FHIT: variants seen among roughly 807,000 people sequenced by gnomAD.
FHIT encodes fragile histidine triad diadenosine triphosphatase.
Under a neutral mutation model 17.9 loss-of-function variants are expected in FHIT, and 19 were observed. The observed-to-expected ratio is 1.06, with a 90% CI of 0.74 to 1.56. FHIT has a LOEUF of 1.56. Among genes scored for constraint, FHIT ranks in the 40% most tolerant of loss-of-function variants. FHIT has a pLI of 0.00. For synonymous variants in FHIT, 81 were observed against 69.7 expected (o/e 1.16, Z -0.81); for missense variants, 248 against 189.2 (o/e 1.31, Z -1.82).
chr3:59,919,879 T>C (rs1705320209), intron 8 of FHIT, among the ~76,000 whole-genome samples: 1 of 152,226 alleles, frequency 6.6e-6, no homozygotes, highest in Non-Finnish European at 1.5e-5. Context: ...TTAAGTTCTA[T>C]TCCAATAATG....
intron 4 of FHIT, among the ~76,000 whole-genome samples, chr3:60,820,137 A>C (rs1281772034): frequency 6.6e-6 from 1 of 152,024 alleles, no homozygotes; most frequent in Non-Finnish European, 1.5e-5. Context: ...GTAAAACCCC[A>C]TCTCTACTAA....
intron 5 of FHIT, among the ~76,000 whole-genome samples, chr3:60,218,664 C>G (rs1200603314): frequency 6.6e-6 from 1 of 152,024 alleles, no homozygotes; most frequent in Non-Finnish European, 1.5e-5. Flanking sequence ...AATATGTGCT[C>G]AATACTAATT....
chr3:60,345,275 G>A (rs947543012), intron 5 of FHIT, among the ~76,000 whole-genome samples: 2 of 152,304 alleles, frequency 1.3e-5, no homozygotes, highest in African/African-American at 4.8e-5. Context: ...CTCACAGTGA[G>A]TTCCAACACA....
chr3:60,648,908 G>C (rs1450024120), intron 4 of FHIT, among the ~76,000 whole-genome samples: 2 of 152,324 alleles, frequency 1.3e-5, no homozygotes, highest in East Asian at 1.9e-4. Flanking sequence ...GAGGAATAAA[G>C]CTGTGGCAGT....
At chr3:60,722,972 C>T (rs1371240538) in intron 4 of FHIT, among the ~76,000 whole-genome samples, 1 of 152,048 alleles carries the variant, frequency 6.6e-6, no homozygotes, top group Non-Finnish European at 1.5e-5. Flanking sequence ...TTGCCCGCCT[C>T]GGCCTCCCAA....
chr3:61,248,514 T>C (rs1164000997), intron 1 of FHIT, among the ~76,000 whole-genome samples: 1 of 152,218 alleles, frequency 6.6e-6, no homozygotes, highest in Non-Finnish European at 1.5e-5. Context: ...CACAACTTGA[T>C]AGATTTCTGA....
intron 3 of FHIT, among the ~76,000 whole-genome samples, chr3:60,934,546 G>A (rs1464332658): frequency 6.6e-6 from 1 of 152,194 alleles, no homozygotes; most frequent in Non-Finnish European, 1.5e-5. Context: ...GTTACAGTGT[G>A]TTAGGTCTCT....
At chr3:60,150,558 G>A (rs1449192512) in intron 5 of FHIT, among the ~76,000 whole-genome samples, 4 of 152,108 alleles carry the variant, frequency 2.6e-5, no homozygotes, top group Non-Finnish European at 5.9e-5. Flanking sequence ...TTAGTCTCAG[G>A]TGATTCTCCC....
At chr3:61,177,458 G>A (rs1022444473) in intron 2 of FHIT, among the ~76,000 whole-genome samples, 1 of 152,172 alleles carries the variant, frequency 6.6e-6, no homozygotes, top group African/African-American at 2.4e-5. Context: ...AGGTTGGGGA[G>A]AGGGTAGTAA....
intron 5 of FHIT, among the ~76,000 whole-genome samples, chr3:60,390,740 C>A (rs1297534859): frequency 1.3e-5 from 2 of 151,280 alleles, no homozygotes; most frequent in African/African-American, 2.4e-5. Context: ...AGAAAAAAAA[C>A]AAAATCTAAT....
intron 5 of FHIT, among the ~76,000 whole-genome samples, chr3:60,280,054 G>C (rs115375764): frequency 0.06 from 8,511 of 142,342 alleles, 355 homozygotes; most frequent in South Asian, 0.1. Context: ...AAAAACAATA[G>C]AAGAAAACCA....
intron 4 of FHIT, among the ~76,000 whole-genome samples, chr3:60,718,241 T>A (rs2041731172): frequency 6.6e-6 from 1 of 152,214 alleles, no homozygotes; most frequent in Admixed American, 6.5e-5. Flanking sequence ...CTCAGATTTT[T>A]AAAAACCATT....
At chr3:59,924,229 T>C (rs1195626741) in intron 7 of FHIT, among the ~76,000 whole-genome samples, 11 of 152,196 alleles carry the variant, frequency 7.2e-5, no homozygotes, top group Non-Finnish European at 1.3e-4. Context: ...CTTCACTCAC[T>C]CTTTAATTCC....
intron 5 of FHIT, among the ~76,000 whole-genome samples, chr3:60,262,761 T>C (rs1224674512): frequency 6.6e-6 from 1 of 151,848 alleles, no homozygotes; most frequent in Non-Finnish European, 1.5e-5. Flanking sequence ...CAATCCCAGC[T>C]GTGAATCTCT....
chr3:60,093,944 C>T (rs1703835406), intron 5 of FHIT, among the ~76,000 whole-genome samples: 1 of 152,052 alleles, frequency 6.6e-6, no homozygotes, highest in African/African-American at 2.4e-5. Flanking sequence ...GTCCAGCTAC[C>T]ACAAATACAA....
chr3:59,922,304 G>A, intron 8 of FHIT, 42 bp downstream of exon 8: 11 of 1,478,696 alleles, frequency 7.4e-6, no homozygotes, highest in Non-Finnish European at 1.0e-5. Flanking sequence ...CCCACCGACA[G>A]TCCCCGTGAT....
intron 5 of FHIT, among the ~76,000 whole-genome samples, chr3:60,408,999 G>A (rs1053283294): frequency 3.3e-5 from 5 of 152,086 alleles, no homozygotes; most frequent in African/African-American, 1.2e-4. Flanking sequence ...AGACTCGGGG[G>A]CTCAAACGCC....
chr3:60,377,345 G>C (rs1048704798), intron 5 of FHIT, among the ~76,000 whole-genome samples: 2 of 151,224 alleles, frequency 1.3e-5, no homozygotes, highest in Non-Finnish European at 2.9e-5. Flanking sequence ...TTTTAGTAGA[G>C]ACGGGGTTTC....
rs539113226 is a variant in FHIT at position 60,089,717 on chromosome 3, A to G, written c.104-75565T>C. ...TATTTCTCACAGATCTGGGAAATCCAAGATCAAGGTCCTAGCATCTTGTTT... is the reference window on the plus strand; with the variant it reads ...TATTTCTCACAGATCTGGGAAATCCGAGATCAAGGTCCTAGCATCTTGTTT... On this transcript the variant is annotated intron_variant, in intron 5 of 9. Transcript: ENST00000492590. Among the ~76,000 whole-genome samples, 6 of 152,306 alleles carry G rather than the reference A, an allele frequency of 3.9e-5. No homozygotes were observed. In the East Asian group the frequency reaches 1.2e-3, roughly 29 times the overall value.
Sources: gnomAD v4.1 joint callset for allele counts (sites outside exome capture counted in the v4.1 genomes callset) on GRCh38, gnomAD v4.1.1 for gene constraint, MANE v1.5 for transcripts, NCBI Gene and HGNC (gene_info 2026-07-23, HGNC 2026-07-21) for gene names.